PATJ: variants seen among roughly 807,000 people sequenced by gnomAD.
PATJ encodes inaD-like protein.
In PATJ, 190 loss-of-function variants were observed where a neutral mutation model predicts 224.9. That is an observed-to-expected ratio of 0.84 (90% CI 0.75 to 0.95). The LOEUF is 0.95. Ranked by LOEUF, PATJ falls within the 40% of genes least tolerant of loss-of-function variation. The pLI is 0.00. For synonymous variants in PATJ, 769 were observed against 820.3 expected (o/e 0.94, Z 1.07); for missense variants, 2,121 against 2,270.3 (o/e 0.93, Z 1.34).
intron 28 of PATJ, among the ~76,000 whole-genome samples, chr1:61,998,037 ATTTAT>A (rs1236817716): frequency 7.7e-6 from 1 of 129,672 alleles, no homozygotes; most frequent in Non-Finnish European, 1.5e-5. Flanking sequence ...TATATTATAT[ATTTAT>A]TATATATATT....
chr1:61,846,788 G>A lies in PATJ; in HGVS notation c.2113-9242G>A, dbSNP rs139822199. 1.8e-3 allele frequency among the ~76,000 whole-genome samples: 271 copies of A among 152,194 alleles called. 1 individual carries two copies. Among genetic ancestry groups the A allele is most frequent in the African/African-American group, 6.3e-3 (262 of 41,516 alleles). On this transcript the variant is annotated intron_variant, in intron 17 of 43. Coordinates refer to ENST00000642238, the MANE Select transcript of PATJ (RefSeq NM_001350145.3). ...ACGTTTTTGTATTTTTAGTAGAGAC[G>A]GGTTTTCGCCATGTTGGCCGGGCTG...
intron 13 of PATJ, among the ~76,000 whole-genome samples, chr1:61,807,732 C>T (rs1253110503): frequency 1.3e-5 from 2 of 152,154 alleles, no homozygotes; most frequent in African/African-American, 4.8e-5. Context: ...ACAGGATCTG[C>T]TTATCTGAAA....
At chr1:61,789,830 T>C (rs1649405508) in intron 8 of PATJ, among the ~76,000 whole-genome samples, 1 of 151,936 alleles carries the variant, frequency 6.6e-6, no homozygotes, top group Non-Finnish European at 1.5e-5. Context: ...AAAAAGTTTC[T>C]CCAAATTGTG....
chr1:62,009,403 CA>C (rs1342494872), intron 28 of PATJ, among the ~76,000 whole-genome samples: 1 of 152,168 alleles, frequency 6.6e-6, no homozygotes, highest in Non-Finnish European at 1.5e-5. Context: ...TATGTCTAAA[CA>C]AGTAGATACA....
chr1:61,752,776 G>A (rs1336267781), intron 1 of PATJ, among the ~76,000 whole-genome samples: 1 of 152,058 alleles, frequency 6.6e-6, no homozygotes, highest in Non-Finnish European at 1.5e-5. Flanking sequence ...CATTGCTTAG[G>A]CTTAAGCATA....
At chr1:62,118,950 A>G (rs1664754140) in intron 37 of PATJ, among the ~76,000 whole-genome samples, 1 of 151,754 alleles carries the variant, frequency 6.6e-6, no homozygotes, top group South Asian at 2.1e-4. Flanking sequence ...ATAATTTTTA[A>G]GTTCACACTC....
intron 27 of PATJ, among the ~76,000 whole-genome samples, chr1:61,980,933 C>G (rs1192484171): frequency 6.6e-6 from 1 of 152,064 alleles, no homozygotes; most frequent in African/African-American, 2.4e-5. Context: ...TTTTCCCTCT[C>G]CCCTTGAAAT....
intron 29 of PATJ, among the ~76,000 whole-genome samples, chr1:62,021,124 G>C (rs1647056558): frequency 6.6e-6 from 1 of 152,106 alleles, no homozygotes; most frequent in Non-Finnish European, 1.5e-5. Context: ...CACTGCACCA[G>C]GCCCAGAAAT....
chr1:62,095,785 G>C lies in PATJ; in HGVS notation c.4377+11137G>C, dbSNP rs74419070. Among the ~76,000 whole-genome samples, 462 of 152,310 alleles carry C rather than the reference G, an allele frequency of 3.0e-3. 16 individuals are homozygous for C. In the East Asian group the frequency reaches 0.079, roughly 26 times the overall value. On this transcript the variant is annotated intron_variant, in intron 33 of 43. Transcript: ENST00000642238. ...ATAAAGTCAAGGCAAACACTGATTA[G>C]TGAAGAGTGAACCATTGCTGCTAGG...
Position 62,010,041 on chromosome 1 carries a change from C to T in PATJ, c.3868-7815C>T, listed in dbSNP as rs375305120. Among the ~76,000 whole-genome samples the T allele has an allele frequency of 2.0e-5, 3 of 146,816 alleles. No individual in the cohort carries two copies. The East Asian group carries it at 5.9e-4, about 29-fold the overall frequency. ...GAGGTTACAGTGAGCCGAGATCGTA[C>T]CATTGCACTCCAGCCTGGGGGAGTG... On this transcript the variant is annotated intron_variant, in intron 28 of 43. Coordinates refer to ENST00000642238, the MANE Select transcript of PATJ (RefSeq NM_001350145.3).
intron 41 of PATJ, among the ~76,000 whole-genome samples, chr1:62,141,422 C>T (rs1225801763): frequency 6.6e-6 from 1 of 152,168 alleles, no homozygotes. Context: ...TGCCTGTAAT[C>T]CCAGCACTTT....
intron 41 of PATJ, among the ~76,000 whole-genome samples, chr1:62,137,749 C>T (rs6680411): frequency 0.37 from 55,864 of 151,004 alleles, 12,380 homozygotes; most frequent in East Asian, 0.72. Context: ...CAGATGCAAA[C>T]GTCTCTAACT....
intron 41 of PATJ, among the ~76,000 whole-genome samples, chr1:62,136,477 T>TTTG (rs1553277243): frequency 4.7e-5 from 7 of 149,110 alleles, no homozygotes; most frequent in Non-Finnish European, 8.9e-5. Context: ...TGGGCTTTTC[T>TTTG]TGTGTGTGTG....
At chr1:61,939,557 A>G (rs1197551347) in intron 27 of PATJ, among the ~76,000 whole-genome samples, 1 of 151,768 alleles carries the variant, frequency 6.6e-6, no homozygotes, top group East Asian at 1.9e-4. Flanking sequence ...AATATTAATC[A>G]TCATTGTTAG....
At chr1:61,769,605 A>G (rs150645975) in intron 5 of PATJ, among the ~76,000 whole-genome samples, 183 bp downstream of exon 5, 85 of 152,280 alleles carry the variant, frequency 5.6e-4, no homozygotes, top group African/African-American at 1.9e-3. Flanking sequence ...CAGCAGTTCC[A>G]CTATATAGGT....
At chr1:62,125,029 C>T (rs1665524760) in intron 39 of PATJ, among the ~76,000 whole-genome samples, 1 of 151,868 alleles carries the variant, frequency 6.6e-6, no homozygotes, top group Non-Finnish European at 1.5e-5. Context: ...AGTTTGAGAC[C>T]AGCCTGGGCA....
At chr1:61,771,762 C>T (rs1037795284) in intron 6 of PATJ, 136 bp downstream of exon 6, 2 of 642,930 alleles carry the variant, frequency 3.1e-6, no homozygotes, top group Non-Finnish European at 5.0e-6. Context: ...TCTTGTTGCC[C>T]AGGCTGGAGT....
chr1:61,947,712 T>A (rs1347314244), intron 27 of PATJ, among the ~76,000 whole-genome samples: 1 of 152,160 alleles, frequency 6.6e-6, no homozygotes, highest in Non-Finnish European at 1.5e-5. Flanking sequence ...TGGAAAAAAC[T>A]ACTTTAAAGT....
At chr1:62,120,272 G>A (rs931169151) in intron 37 of PATJ, among the ~76,000 whole-genome samples, 7 of 152,212 alleles carry the variant, frequency 4.6e-5, no homozygotes, top group African/African-American at 1.7e-4. Context: ...GATGTCTATT[G>A]TATAATTCTT....
Sources: allele counts gnomAD v4.1 joint callset (sites outside exome capture counted in the v4.1 genomes callset), GRCh38; gene constraint gnomAD v4.1.1; transcripts MANE v1.5; gene names NCBI Gene and HGNC (gene_info 2026-07-23, HGNC 2026-07-21).